FBXO25: variants seen among roughly 807,000 people sequenced by gnomAD.
FBXO25 encodes F-box protein 25, also known as F-box only protein 25.
In FBXO25, 45 loss-of-function variants were observed where a neutral mutation model predicts 51.9. The observed-to-expected ratio is 0.87, with a 90% CI of 0.68 to 1.11. The LOEUF (loss-of-function observed/expected upper bound fraction) is 1.11, where lower values mean the gene tolerates loss of function less well. Among genes scored for constraint, FBXO25 ranks in the 50% most tolerant of loss-of-function variants. FBXO25 has a pLI of 0.00. For synonymous variants in FBXO25, 199 were observed against 151.0 expected, an observed-to-expected ratio of 1.32 and a Z score of -2.33; for missense variants, 507 against 428.5, an observed-to-expected ratio of 1.18 and a Z score of -1.62.
At chr8:417,606 A>C (rs571773806) in intron 2 of FBXO25, among the ~76,000 whole-genome samples, 3 of 152,274 alleles carry the variant, frequency 2.0e-5, no homozygotes, top group African/African-American at 7.2e-5. Context: ...TGTGCCTAGG[A>C]ACAGAAGCAC....
In FBXO25 at chr8:468,795, C is replaced by G. The variant is rs766569297; in HGVS notation, c.1068C>G (p.Phe356Leu). 6.2e-6 allele frequency: 10 copies of G among 1,613,948 alleles called. No homozygotes were observed. The South Asian group carries it at 1.1e-4, about 18-fold the overall frequency. Residue 356 changes from phenylalanine (F) to leucine (L), a missense_variant, in exon 10 of 10, where the codon TTC becomes TTG. By Grantham distance (22) the Phe-to-Leu change is conservative. Coordinates refer to ENST00000350302, the MANE Select transcript of FBXO25 (RefSeq NM_183420.2). ...CTCCGCAGCACTTCATCGACCTCTT[C>G]AAGTTTTAAGGGCTGCCCCTGCCAT... ...PVSPQHFIDL[F>L]KF
intron 7 of FBXO25, among the ~76,000 whole-genome samples, chr8:454,889 T>TGAAAAAA (rs1376673139): frequency 2.1e-5 from 1 of 46,580 alleles, no homozygotes; most frequent in East Asian, 7.2e-4. Flanking sequence ...AGACTCCATC[T>TGAAAAAA]CAAAAAAAGA....
chr8:447,200 C>G (rs1798789285), intron 5 of FBXO25, among the ~76,000 whole-genome samples: 2 of 152,262 alleles, frequency 1.3e-5, no homozygotes, highest in East Asian at 1.9e-4. Flanking sequence ...AAAGGGCTTC[C>G]TGGATCCAGT....
At chr8:454,318 GT>G (rs895398036) in intron 7 of FBXO25, among the ~76,000 whole-genome samples, 3 of 152,176 alleles carry the variant, frequency 2.0e-5, no homozygotes, top group Admixed American at 2.0e-4. Flanking sequence ...GTGCTTTCAT[GT>G]GCACATCTCT....
chr8:464,358 T>TG (rs1054450453), intron 9 of FBXO25, among the ~76,000 whole-genome samples: 2 of 152,112 alleles, frequency 1.3e-5, no homozygotes, highest in East Asian at 1.9e-4. Context: ...GATTTCACCG[T>TG]GGGGGAAAAA....
Position 428,622 on chromosome 8 carries a change from C to A in FBXO25, c.135-2719C>A, listed in dbSNP as rs149612446. On this transcript the variant is annotated intron_variant, in intron 2 of 9. Transcript: ENST00000350302. ...TAAGTACATTCACACTATTGTGCAA[C>A]CATTACCACCATCCATCTCTAGAAC... Among the ~76,000 whole-genome samples, 813 of 152,272 alleles carry A rather than the reference C, an allele frequency of 5.3e-3. 1 individual carries two copies. The highest frequency in any genetic ancestry group is 9.5e-3 in the Non-Finnish European group (643 of 68,024).
intron 9 of FBXO25, among the ~76,000 whole-genome samples, chr8:464,615 C>T (rs114703496): frequency 2.6e-5 from 4 of 152,152 alleles, no homozygotes; most frequent in East Asian, 1.9e-4. Flanking sequence ...ATAGGTCATA[C>T]GGCAAACTCT....
rs538344568 is a variant in FBXO25, at chr8:442,739, G to A, written c.381+7032G>A. ...GCTGCCTCGGCCTCCCAAAGTGCTA[G>A]GATTTCAGGCGTTAGCCACCCTGCC... On this transcript the variant is annotated intron_variant, in intron 5 of 9. Coordinates refer to ENST00000350302, the MANE Select transcript of FBXO25 (RefSeq NM_183420.2). Among the ~76,000 whole-genome samples the A allele has an allele frequency of 2.0e-5, 3 of 152,182 alleles. No individual in the cohort carries two copies. The South Asian group carries it at 6.2e-4, about 32-fold the overall frequency.
intron 5 of FBXO25, among the ~76,000 whole-genome samples, chr8:442,948 A>C (rs1798519763): frequency 6.6e-6 from 1 of 152,162 alleles, no homozygotes; most frequent in African/African-American, 2.4e-5. Flanking sequence ...CCCCCATAAA[A>C]ATGCCGGATT....
intron 4 of FBXO25, among the ~76,000 whole-genome samples, chr8:433,570 C>G (rs1327967907): frequency 1.3e-5 from 2 of 152,104 alleles, no homozygotes; most frequent in African/African-American, 2.4e-5. Context: ...CCAAGTTGGG[C>G]TAAAGCTTTT....
chr8:459,401 G>A (rs1230349386), intron 8 of FBXO25, among the ~76,000 whole-genome samples: 3 of 152,216 alleles, frequency 2.0e-5, no homozygotes, highest in Non-Finnish European at 4.4e-5. Flanking sequence ...TGTGTGTTTG[G>A]TGGATAGTGA....
rs546043391 is a variant in FBXO25 at position 432,809 on chromosome 8, A to T, written c.239-77A>T. ...TCAGATAATTTTGTTAACATGTCCA[A>T]TTATTTAAATTCCTTTAAAATCTTC... On this transcript the variant is annotated intron_variant, in intron 3 of 9. Coordinates refer to ENST00000350302, the MANE Select transcript of FBXO25 (RefSeq NM_183420.2). 2.8e-6 allele frequency: 4 copies of T among 1,416,856 alleles called. No individual in the cohort carries two copies. In the African/African-American group the frequency reaches 4.4e-5, roughly 16 times the overall value. The allele number at this position is 1,416,856 out of a possible 1,614,324, so 87.8% of individuals were successfully genotyped here.
rs570056845 is a variant in FBXO25, at chr8:464,806, A to G, written c.987+1656A>G. The stretch of plus-strand genomic sequence containing the variant: ...AAACAGCATCATACATGAATATGAG[A>G]TTTTATTTCTGATTTATTGTTTTAT... On this transcript the variant is annotated intron_variant, in intron 9 of 9. Coordinates refer to ENST00000350302, the MANE Select transcript of FBXO25 (RefSeq NM_183420.2). 6.0e-4 allele frequency among the ~76,000 whole-genome samples: 92 copies of G among 152,246 alleles called. 1 individual carries two copies. Among genetic ancestry groups the G allele is most frequent in the African/African-American group, 2.2e-3 (90 of 41,552 alleles).
In FBXO25 at chr8:476,180, C is replaced by G. The variant is rs1168880039; in HGVS notation, c.*7376C>G. 3 of 152,084 alleles carry G rather than the reference C, an allele frequency of 2.0e-5. No individual in the cohort carries two copies. The highest frequency in any genetic ancestry group is 7.2e-5 in the African/African-American group (3 of 41,436). The allele number at this position is 152,084 out of a possible 1,614,324, so 9.4% of individuals were successfully genotyped here. A position where few individuals can be genotyped will look rare whatever the true frequency, so the allele number is the denominator to read the frequency against. On this transcript the variant is annotated 3_prime_UTR_variant, in exon 10 of 10. Transcript: ENST00000350302. Reference sequence around the variant, plus strand: ...TAGACATTACATTTATTGACTTGAGCATGTTGAAACATCTTTGCATACCAG... The same window carrying G: ...TAGACATTACATTTATTGACTTGAGGATGTTGAAACATCTTTGCATACCAG...
At chr8:455,595 A>C (rs1740354332) in intron 7 of FBXO25, among the ~76,000 whole-genome samples, 1 of 152,190 alleles carries the variant, frequency 6.6e-6, no homozygotes, top group Non-Finnish European at 1.5e-5. Flanking sequence ...TTTCTGTGTA[A>C]AATAGAATGA....
rs535957434 is a variant in FBXO25, at chr8:444,433, G to A, written c.382-5557G>A. Among the ~76,000 whole-genome samples the A allele has an allele frequency of 3.1e-3, 473 of 152,226 alleles. 8 individuals are homozygous for A. The highest frequency in any genetic ancestry group is 0.021 in the Admixed American group (328 of 15,292). ...GCTGTGATTTTATTTAACTTTATTG[G>A]ATTCTAGTTTTATTATATTACCACC... On this transcript the variant is annotated intron_variant, in intron 5 of 9. Transcript: ENST00000350302.
chr8:437,337 A>C (rs1056645854), intron 5 of FBXO25, among the ~76,000 whole-genome samples: 5 of 152,228 alleles, frequency 3.3e-5, no homozygotes, highest in Non-Finnish European at 7.3e-5. Context: ...ATGTGGAGCG[A>C]GGGAACTGGT....
At chr8:466,708 T>A (rs1481218216) in intron 9 of FBXO25, among the ~76,000 whole-genome samples, 1 of 152,136 alleles carries the variant, frequency 6.6e-6, no homozygotes, top group Non-Finnish European at 1.5e-5. Context: ...CTTCATCTGC[T>A]CCCAAGCTGG....
At chr8:464,207 C>T (rs965395771) in intron 9 of FBXO25, among the ~76,000 whole-genome samples, 2 of 152,226 alleles carry the variant, frequency 1.3e-5, no homozygotes, top group Non-Finnish European at 2.9e-5. Context: ...CTATGTGCCC[C>T]AGCTTTCCAA....
Sources: allele counts gnomAD v4.1 joint callset (sites outside exome capture counted in the v4.1 genomes callset), GRCh38; gene constraint gnomAD v4.1.1; transcripts MANE v1.5; gene names NCBI Gene and HGNC (gene_info 2026-07-23, HGNC 2026-07-21).